REC114: variants seen among roughly 807,000 people sequenced by gnomAD.
REC114 encodes the protein meiotic recombination protein REC114.
A neutral mutation model predicts 31.3 loss-of-function variants in REC114; 27 were observed. The ratio of observed to expected loss-of-function variants is 0.86; its 90% CI spans 0.64 to 1.19. REC114 has a LOEUF of 1.19. Among genes scored for constraint, REC114 ranks in the 50% most tolerant of loss-of-function variants. The probability of loss-of-function intolerance (pLI) is 0.00; values close to 1 mark genes in which losing one functional copy is unlikely to be tolerated. For missense variants in REC114, 344 were observed against 326.9 expected, an observed-to-expected ratio of 1.05 and a Z score of -0.40; for synonymous variants, 134 against 127.7, an observed-to-expected ratio of 1.05 and a Z score of -0.33.
intron 2 of REC114, among the ~76,000 whole-genome samples, chr15:73,536,470 G>A (rs1289727732): frequency 1.3e-5 from 2 of 152,140 alleles, no homozygotes; most frequent in African/African-American, 2.4e-5. Context: ...GCTCAGTGAT[G>A]TTAACCGCAT....
At chr15:73,531,492 CTT>C (rs1894082002) in intron 2 of REC114, among the ~76,000 whole-genome samples, 1 of 152,174 alleles carries the variant, frequency 6.6e-6, no homozygotes, top group African/African-American at 2.4e-5. Flanking sequence ...TTGAGATTCT[CTT>C]TATATGAAGT....
At chr15:73,549,178 TA>T (rs905455028) in intron 3 of REC114, among the ~76,000 whole-genome samples, 87 of 148,388 alleles carry the variant, frequency 5.9e-4, no homozygotes, top group African/African-American at 1.6e-3. Context: ...GAATAAAAGT[TA>T]AAAAAAAAAA....
At chr15:73,552,163 CAACTT>C (rs1894402364) in intron 4 of REC114, among the ~76,000 whole-genome samples, 1 of 152,176 alleles carries the variant, frequency 6.6e-6, no homozygotes, top group Non-Finnish European at 1.5e-5. Flanking sequence ...TTCTATATTG[CAACTT>C]AACTTTAAGC....
intron 2 of REC114, among the ~76,000 whole-genome samples, chr15:73,480,591 T>C (rs1893281081): frequency 6.6e-6 from 1 of 151,736 alleles, no homozygotes; most frequent in Non-Finnish European, 1.5e-5. Context: ...CACATTTGGA[T>C]TATAACGCAT....
chr15:73,474,920 C>A (rs1042368892), intron 2 of REC114, among the ~76,000 whole-genome samples: 4 of 152,174 alleles, frequency 2.6e-5, no homozygotes, highest in African/African-American at 9.6e-5. Flanking sequence ...GCAAAGTCAT[C>A]TTTGTATTCC....
intron 2 of REC114, among the ~76,000 whole-genome samples, chr15:73,495,307 C>A (rs1428030595): frequency 6.6e-6 from 1 of 151,738 alleles, no homozygotes; most frequent in African/African-American, 2.4e-5. Context: ...TTTTAGAGCT[C>A]TTGTTTACTT....
intron 2 of REC114, among the ~76,000 whole-genome samples, chr15:73,521,913 T>C (rs1435741605): frequency 1.3e-5 from 2 of 152,102 alleles, no homozygotes; most frequent in African/African-American, 2.4e-5. Flanking sequence ...TTTTTCTAGA[T>C]AATAGAAAAA....
At chr15:73,484,222 A>G (rs751494241) in intron 2 of REC114, among the ~76,000 whole-genome samples, 2 of 152,016 alleles carry the variant, frequency 1.3e-5, no homozygotes, top group Non-Finnish European at 2.9e-5. Flanking sequence ...AGCTTGGATG[A>G]GGTGTAGGAT....
chr15:73,486,091 A>G (rs1893360704), intron 2 of REC114, among the ~76,000 whole-genome samples: 1 of 151,876 alleles, frequency 6.6e-6, no homozygotes, highest in Non-Finnish European at 1.5e-5. Flanking sequence ...GCAATCTTCC[A>G]CCATACCTTT....
rs866359767 is a variant in REC114, at chr15:73,537,936, A to G, written c.250-2549A>G. The stretch of plus-strand genomic sequence containing the variant: ...CATTGTTATGTTCTCTCTTATTAAA[A>G]AAGTAGCATATGATGGACATTGTTA... On this transcript the variant is annotated intron_variant, in intron 2 of 5. Transcript: ENST00000331090. Among the ~76,000 whole-genome samples, 8 of 152,306 alleles carry G rather than the reference A, an allele frequency of 5.3e-5. No homozygotes were observed. In the Middle Eastern group the frequency reaches 0.017, roughly 324 times the overall value.
At chr15:73,494,464 C>T (rs1893488382) in intron 2 of REC114, among the ~76,000 whole-genome samples, 1 of 149,990 alleles carries the variant, frequency 6.7e-6, no homozygotes, top group Non-Finnish European at 1.5e-5. Flanking sequence ...TTCCCTCCAG[C>T]CTGGGTGACA....
At chr15:73,480,991 AGGTAG>A (rs1893286528) in intron 2 of REC114, among the ~76,000 whole-genome samples, 1 of 152,168 alleles carries the variant, frequency 6.6e-6, no homozygotes, top group African/African-American at 2.4e-5. Flanking sequence ...TTTTCATAAA[AGGTAG>A]AGACAGGACA....
At chr15:73,505,916 C>T (rs1183389280) in intron 2 of REC114, among the ~76,000 whole-genome samples, 2 of 152,136 alleles carry the variant, frequency 1.3e-5, no homozygotes, top group African/African-American at 4.8e-5. Context: ...TGATGTCATG[C>T]TCTTAGTTTG....
At chr15:73,553,694 C>A (rs1163415875) in intron 4 of REC114, among the ~76,000 whole-genome samples, 4 of 152,120 alleles carry the variant, frequency 2.6e-5, no homozygotes, top group African/African-American at 9.7e-5. Flanking sequence ...GAGCTACAGC[C>A]CCAGATGAAG....
rs537645515 is a variant in REC114 at position 73,473,327 on chromosome 15, T to G, written c.160-505T>G. The stretch of plus-strand genomic sequence containing the variant: ...TCGCTTGAACACAGGAGGCAGAGGT[T>G]GCTGTGAGCCGAGATCACACCATTG... On this transcript the variant is annotated intron_variant, in intron 1 of 5. Transcript: ENST00000331090. 1.3e-4 allele frequency among the ~76,000 whole-genome samples: 20 copies of G among 149,846 alleles called. No homozygotes were observed. The South Asian group carries it at 4.2e-3, about 32-fold the overall frequency.
intron 2 of REC114, among the ~76,000 whole-genome samples, chr15:73,485,913 C>T (rs1477179233): frequency 1.3e-5 from 2 of 152,190 alleles, no homozygotes; most frequent in Admixed American, 1.3e-4. Flanking sequence ...TTTAATTCCA[C>T]TTTTGTGTGT....
chr15:73,444,651 A>C (rs529381083), intron 1 of REC114, among the ~76,000 whole-genome samples: 1 of 152,064 alleles, frequency 6.6e-6, no homozygotes, highest in Admixed American at 6.6e-5. Context: ...GTTGGAATCA[A>C]CTTCTTCCAA....
At chr15:73,518,199 T>C (rs1292713625) in intron 2 of REC114, among the ~76,000 whole-genome samples, 3 of 152,256 alleles carry the variant, frequency 2.0e-5, no homozygotes, top group East Asian at 3.8e-4. Context: ...ATTAAACTCT[T>C]TGTGTTGCAA....
At chr15:73,545,622 A>G (rs1055107960) in intron 3 of REC114, among the ~76,000 whole-genome samples, 12 of 152,212 alleles carry the variant, frequency 7.9e-5, no homozygotes, top group African/African-American at 2.9e-4. Flanking sequence ...CAGTTAGGCT[A>G]TTAGACATGT....
Sources: gnomAD v4.1 joint callset for allele counts (sites outside exome capture counted in the v4.1 genomes callset) on GRCh38, gnomAD v4.1.1 for gene constraint, MANE v1.5 for transcripts, NCBI Gene and HGNC (gene_info 2026-07-23, HGNC 2026-07-21) for gene names.